ABI2: variants seen among roughly 807,000 people sequenced by gnomAD.
The protein encoded by ABI2 is abl interactor 2.
In ABI2, 25 loss-of-function variants were observed where a neutral mutation model predicts 59.2. The observed-to-expected ratio is 0.42, with a 90% CI of 0.31 to 0.59. The LOEUF (loss-of-function observed/expected upper bound fraction) is 0.59, where lower values mean the gene tolerates loss of function less well. Ranked by LOEUF, ABI2 falls within the 20% of genes least tolerant of loss-of-function variation. The pLI is 0.14. For synonymous variants in ABI2, 213 were observed against 235.5 expected, an observed-to-expected ratio of 0.90 and a Z score of 0.87; for missense variants, 545 against 681.8, an observed-to-expected ratio of 0.80 and a Z score of 2.23.
At position 203,328,504 on chromosome 2, in the gene ABI2, AG is replaced by A. The variant is rs773912918; in HGVS notation, c.-9del. On this transcript the variant is annotated 5_prime_UTR_variant, in exon 1 of 12. The change abolishes the stop of an existing upstream ORF in the 5' untranslated region. Coordinates refer to ENST00000261018, the MANE Select transcript of ABI2 (RefSeq NM_001375670.1). Reference sequence around the variant, plus strand: ...GACCTGTATGAGGAGGAGGAGGAGGAGGATGTGAAGATGGCGGAGCTGCAGA... The same window carrying A: ...GACCTGTATGAGGAGGAGGAGGAGGAGATGTGAAGATGGCGGAGCTGCAGA... 5.6e-5 allele frequency: 90 copies of A among 1,596,390 alleles called. No homozygotes were observed. The highest frequency in any genetic ancestry group is 6.7e-5 in the Non-Finnish European group (79 of 1,171,054).
At chr2:203,370,606 T>A (rs2095076631) in intron 2 of ABI2, among the ~76,000 whole-genome samples, 1 of 152,164 alleles carries the variant, frequency 6.6e-6, no homozygotes. Flanking sequence ...TTTTTCCAAA[T>A]GTTTGAGTGT....
intron 1 of ABI2, among the ~76,000 whole-genome samples, chr2:203,345,392 A>G (rs2082717987): frequency 6.6e-6 from 1 of 152,194 alleles, no homozygotes; most frequent in Non-Finnish European, 1.5e-5. Context: ...TAAGAACTGT[A>G]ACATTCACGG....
At chr2:203,350,064 C>A (rs182908262) in intron 1 of ABI2, among the ~76,000 whole-genome samples, 1 of 152,234 alleles carries the variant, frequency 6.6e-6, no homozygotes, top group African/African-American at 2.4e-5. Context: ...CATTTGTGGA[C>A]TGTCTCTTTA....
chr2:203,410,984 T>C (rs972461830), intron 9 of ABI2, among the ~76,000 whole-genome samples: 3 of 149,596 alleles, frequency 2.0e-5, no homozygotes, highest in African/African-American at 7.5e-5. Context: ...ATGATTGTTA[T>C]ATATAAAAAT....
intron 5 of ABI2, 65 bp downstream of exon 5, chr2:203,391,208 T>C: frequency 9.1e-7 from 1 of 1,099,432 alleles, no homozygotes; most frequent in Non-Finnish European, 1.3e-6. Flanking sequence ...AAGCACAACA[T>C]ATTTAAATTA....
chr2:203,382,135 C>A, intron 3 of ABI2, 54 bp from the exon 4 acceptor site: 1 of 1,461,984 alleles, frequency 6.8e-7, no homozygotes, highest in Admixed American at 2.3e-5. Flanking sequence ...TTTCAACTAA[C>A]CTTTCAATGC....
chr2:203,346,838 A>G (rs1306707486), intron 1 of ABI2, among the ~76,000 whole-genome samples: 1 of 152,190 alleles, frequency 6.6e-6, no homozygotes, highest in Non-Finnish European at 1.5e-5. Context: ...CCTTTATCTT[A>G]TCTTATATTC....
intron 9 of ABI2, among the ~76,000 whole-genome samples, chr2:203,405,723 T>C (rs1258460522): frequency 1.3e-5 from 2 of 151,206 alleles, no homozygotes; most frequent in African/African-American, 4.9e-5. Context: ...TTTGGGGGGG[T>C]AATTGGAGTC....
At chr2:203,359,013 A>G (rs2092909617) in intron 1 of ABI2, among the ~76,000 whole-genome samples, 1 of 152,196 alleles carries the variant, frequency 6.6e-6, no homozygotes, top group Non-Finnish European at 1.5e-5. Flanking sequence ...CTCTGTCTCA[A>G]AAAAACAAAA....
At chr2:203,392,302 CCACCACCACCACCAACAACAACAA>C (rs2096779623) in intron 5 of ABI2, among the ~76,000 whole-genome samples, 1 of 96,050 alleles carries the variant, frequency 1.0e-5, no homozygotes, top group Non-Finnish European at 2.3e-5. Context: ...ACCACCACCA[CCACCACCACCACCAACAACAACAA>C]CAACAACAAC....
rs117891741 is a variant in ABI2 at position 203,423,714 on chromosome 2, C to A, written c.1454-3463C>A. Among the ~76,000 whole-genome samples, 31 of 152,310 alleles carry A rather than the reference C, an allele frequency of 2.0e-4. No homozygotes were observed. The East Asian group carries it at 6.0e-3, about 29-fold the overall frequency. On this transcript the variant is annotated intron_variant, in intron 11 of 11. Coordinates refer to ENST00000261018, the MANE Select transcript of ABI2 (RefSeq NM_001375670.1). The stretch of plus-strand genomic sequence containing the variant: ...GGGATTACAGGCGTGAGCCACCGCG[C>A]CCAGCCCAATCTGGGTCCTTTTCTG...
intron 1 of ABI2, among the ~76,000 whole-genome samples, chr2:203,364,173 A>T (rs1371124768): frequency 2.0e-5 from 3 of 150,842 alleles, no homozygotes; most frequent in Non-Finnish European, 4.4e-5. Context: ...GGCTCACTGC[A>T]ACCCCCGCCT....
At chr2:203,333,350 T>C (rs2074875222) in intron 1 of ABI2, among the ~76,000 whole-genome samples, 3 of 152,358 alleles carry the variant, frequency 2.0e-5, no homozygotes, top group Non-Finnish European at 4.4e-5. Context: ...TTCTATATTC[T>C]GTACCTTTAA....
intron 1 of ABI2, among the ~76,000 whole-genome samples, chr2:203,364,689 TAA>T (rs2094135708): frequency 6.6e-6 from 1 of 152,154 alleles, no homozygotes; most frequent in Non-Finnish European, 1.5e-5. Flanking sequence ...ATAGAATACT[TAA>T]AGTTTCTATT....
intron 1 of ABI2, 73 bp downstream of exon 1, chr2:203,328,704 C>A: frequency 2.0e-6 from 2 of 1,024,940 alleles, no homozygotes; most frequent in Non-Finnish European, 1.3e-6. Flanking sequence ...GGCGTGGGGC[C>A]GAGGCCGCCT....
intron 11 of ABI2, among the ~76,000 whole-genome samples, chr2:203,423,963 G>C (rs954859920): frequency 3.9e-5 from 6 of 152,128 alleles, no homozygotes; most frequent in Non-Finnish European, 8.8e-5. Context: ...ACATTTAGAA[G>C]AACAATGTGT....
intron 4 of ABI2, among the ~76,000 whole-genome samples, chr2:203,387,857 G>A (rs924573725): frequency 6.6e-6 from 1 of 152,018 alleles, no homozygotes; most frequent in African/African-American, 2.4e-5. Flanking sequence ...TCTCTCTGTC[G>A]CTGTCGTTAA....
intron 1 of ABI2, among the ~76,000 whole-genome samples, chr2:203,339,196 C>G (rs1387570944): frequency 6.6e-6 from 1 of 150,992 alleles, no homozygotes; most frequent in East Asian, 2.0e-4. Flanking sequence ...GTTAGGGTGG[C>G]TATCAAAAGA....
At chr2:203,340,907 T>TCAG (rs2079480175) in intron 1 of ABI2, among the ~76,000 whole-genome samples, 1 of 152,130 alleles carries the variant, frequency 6.6e-6, no homozygotes. Flanking sequence ...TGACATCATC[T>TCAG]CCTGTTACAC....
Sources: gnomAD v4.1 joint callset for allele counts (sites outside exome capture counted in the v4.1 genomes callset) on GRCh38, gnomAD v4.1.1 for gene constraint, MANE v1.5 for transcripts, NCBI Gene and HGNC (gene_info 2026-07-23, HGNC 2026-07-21) for gene names.